The following MAPK10 variants were observed in gnomAD, a reference collection of about 807,000 sequenced individuals.
MAPK10 encodes the protein mitogen-activated protein kinase 10, also known as JNK3 alpha protein kinase.
MAPK10 carries 25 observed loss-of-function variants against 59.3 expected under a neutral mutation model. That is an observed-to-expected ratio of 0.42 (90% CI 0.31 to 0.59). MAPK10 has a LOEUF of 0.59. Among genes scored for constraint, MAPK10 ranks in the 20% least tolerant of loss-of-function variants. The pLI, the probability that MAPK10 is intolerant of heterozygous loss-of-function variation, is 0.15. For missense variants in MAPK10, 351 were observed against 568.9 expected, an observed-to-expected ratio of 0.62 and a Z score of 3.90; for synonymous variants, 190 against 200.5, an observed-to-expected ratio of 0.95 and a Z score of 0.44.
At chr4:86,554,886 A>T (rs988293098) in intron 1 of MAPK10, among the ~76,000 whole-genome samples, 2 of 152,088 alleles carry the variant, frequency 1.3e-5, no homozygotes, top group Non-Finnish European at 2.9e-5. Context: ...TCCACTCCCC[A>T]CCACAGCCCT....
At chr4:86,465,687 G>T (rs1201107239) in intron 1 of MAPK10, among the ~76,000 whole-genome samples, 1 of 152,126 alleles carries the variant, frequency 6.6e-6, no homozygotes, top group Non-Finnish European at 1.5e-5. Flanking sequence ...TGTTTCTCCA[G>T]GACCAAATCA....
chr4:86,125,336 CT>C (rs1387828891), intron 4 of MAPK10: 1 of 151,554 alleles, frequency 6.6e-6, no homozygotes, highest in Non-Finnish European at 1.5e-5. Flanking sequence ...AATTATTCTT[CT>C]CATTAAAAAA....
At chr4:86,179,712 C>T (rs1039760876) in intron 3 of MAPK10, among the ~76,000 whole-genome samples, 3 of 152,002 alleles carry the variant, frequency 2.0e-5, no homozygotes, top group Admixed American at 1.3e-4. Flanking sequence ...ACGCCAACTA[C>T]CTTTTGACAA....
At chr4:86,505,509 G>A (rs1388440870) in intron 1 of MAPK10, among the ~76,000 whole-genome samples, 2 of 151,952 alleles carry the variant, frequency 1.3e-5, no homozygotes, top group Non-Finnish European at 2.9e-5. Context: ...GGTGGTGTTT[G>A]AGCCTAGTTC....
rs1752377134 is a variant in MAPK10, at chr4:86,468,255, T to C, written c.-262-113611A>G. On this transcript the variant is annotated intron_variant, in intron 1 of 4. Transcript: ENST00000502302. ...TTCTCTCTGTAAAAGAAAATCCTTTTTTTGCCTACCTCTTGAGATGCTTGC... is the reference window on the plus strand; with the variant it reads ...TTCTCTCTGTAAAAGAAAATCCTTTCTTTGCCTACCTCTTGAGATGCTTGC... Among the ~76,000 whole-genome samples, 3 of 152,272 alleles carry C rather than the reference T, an allele frequency of 2.0e-5. No homozygotes were observed. The South Asian group carries it at 6.2e-4, about 32-fold the overall frequency.
chr4:86,163,322 A>G (rs897758147), intron 3 of MAPK10, among the ~76,000 whole-genome samples: 4 of 152,106 alleles, frequency 2.6e-5, no homozygotes, highest in Non-Finnish European at 5.9e-5. Flanking sequence ...AATAGACTAC[A>G]TTTCATCCTT....
At position 86,303,347 on chromosome 4, in the gene MAPK10, G is replaced by A. The variant is rs72868814; in HGVS notation, c.-7+51183C>T. ...TCCCATTACCCTTTTCTGTGACTTC[G>A]ACTTTCATTCATCAATAAACATTTA... On this transcript the variant is annotated intron_variant, in intron 2 of 13. Coordinates refer to ENST00000641462, the MANE Select transcript of MAPK10 (RefSeq NM_138982.4). Among the ~76,000 whole-genome samples the A allele has an allele frequency of 4.9e-4, 75 of 151,952 alleles. 1 individual carries two copies. The highest frequency in any genetic ancestry group is 1.8e-3 in the African/African-American group (73 of 41,434).
chr4:86,139,775 C>T (rs914444126), intron 4 of MAPK10, among the ~76,000 whole-genome samples: 1 of 151,722 alleles, frequency 6.6e-6, no homozygotes, highest in South Asian at 2.1e-4. Flanking sequence ...ATTTTCTCAA[C>T]CTACTCATCT....
chr4:86,245,763 TA>T (rs2093045433), intron 2 of MAPK10, among the ~76,000 whole-genome samples: 3 of 152,186 alleles, frequency 2.0e-5, no homozygotes, highest in Non-Finnish European at 2.9e-5. Flanking sequence ...AAAATGCCTC[TA>T]AAACCAGTTC....
chr4:86,061,733 A>G (rs1453105087), intron 11 of MAPK10, among the ~76,000 whole-genome samples: 2 of 152,178 alleles, frequency 1.3e-5, no homozygotes, highest in African/African-American at 2.4e-5. Flanking sequence ...TTTCCATCCA[A>G]TGAAACTTAT....
intron 1 of MAPK10, among the ~76,000 whole-genome samples, chr4:86,486,004 G>A (rs1048526872): frequency 3.3e-5 from 5 of 152,230 alleles, no homozygotes; most frequent in African/African-American, 1.2e-4. Context: ...GTGGTATTCT[G>A]TCATGGCAGC....
chr4:86,134,666 A>T (rs546819197), intron 4 of MAPK10, among the ~76,000 whole-genome samples: 1 of 152,314 alleles, frequency 6.6e-6, no homozygotes, highest in African/African-American at 2.4e-5. Context: ...AATTAAAGTA[A>T]AATTGGGGGG....
intron 2 of MAPK10, among the ~76,000 whole-genome samples, chr4:86,344,076 A>G (rs13146802): frequency 0.72 from 109,218 of 151,650 alleles, 40,119 homozygotes; most frequent in South Asian, 0.9. Flanking sequence ...ACATTTGAGA[A>G]TTACTGCCTG....
chr4:86,497,503 G>A (rs959764291), intron 1 of MAPK10, among the ~76,000 whole-genome samples: 6 of 152,172 alleles, frequency 3.9e-5, no homozygotes, highest in African/African-American at 1.4e-4. Flanking sequence ...GCATATAGAA[G>A]GTGCTGAGGT....
intron 4 of MAPK10, among the ~76,000 whole-genome samples, chr4:86,130,820 T>C (rs2060871218): frequency 1.3e-5 from 2 of 152,132 alleles, no homozygotes; most frequent in African/African-American, 4.8e-5. Context: ...CTTAGGGCAG[T>C]AGGAATGTAA....
At chr4:86,353,323 G>A (rs1289555369) in intron 2 of MAPK10, among the ~76,000 whole-genome samples, 4 of 152,138 alleles carry the variant, frequency 2.6e-5, no homozygotes, top group Admixed American at 6.6e-5. Flanking sequence ...TGCCCCAAAA[G>A]CTAAACATTC....
rs374205307 is a variant in MAPK10 at position 86,558,724 on chromosome 4, C to A, written c.-263+35186G>T. On this transcript the variant is annotated intron_variant, in intron 1 of 4. Coordinates refer to the MAPK10 transcript ENST00000502302. ...TATTTTATTGCTTTCTTCTTTGCTA[C>A]AAAATGAATTTTTGACATAATTTTG... is the stretch of plus-strand genomic sequence containing the variant. 2.6e-5 allele frequency among the ~76,000 whole-genome samples: 4 copies of A among 151,134 alleles called. No individual in the cohort carries two copies. In the East Asian group the frequency reaches 7.8e-4, roughly 29 times the overall value.
intron 1 of MAPK10, chr4:86,356,375 C>T (rs918147082): frequency 4.5e-6 from 1 of 223,520 alleles, no homozygotes; most frequent in Non-Finnish European, 7.5e-6. Flanking sequence ...ATCAAATAAA[C>T]TAGAAAATCC....
intron 1 of MAPK10, among the ~76,000 whole-genome samples, chr4:86,574,032 T>C (rs952683805): frequency 6.6e-6 from 1 of 152,160 alleles, no homozygotes; most frequent in African/African-American, 2.4e-5. Flanking sequence ...AGTAGGTATA[T>C]CTCCTAATGC....
Sources: gnomAD v4.1 joint callset for allele counts (sites outside exome capture counted in the v4.1 genomes callset) on GRCh38, gnomAD v4.1.1 for gene constraint, MANE v1.5 for transcripts, NCBI Gene and HGNC (gene_info 2026-07-23, HGNC 2026-07-21) for gene names.